Variants in PLXNA4 observed in about 807,000 individuals in gnomAD.
PLXNA4 encodes plexin-A4.
A neutral mutation model predicts 191.8 loss-of-function variants in PLXNA4; 44 were observed. The observed-to-expected ratio is 0.23, with a 90% confidence interval of 0.18 to 0.29. The LOEUF is 0.29. PLXNA4 is among the 10% of genes least tolerant of loss of function. The pLI is 1.00. For synonymous variants in PLXNA4, 1,082 were observed against 1,009.5 expected, an observed-to-expected ratio of 1.07 and a Z score of -1.36; for missense variants, 1,800 against 2,488.8, an observed-to-expected ratio of 0.72 and a Z score of 5.89.
chr7:132,501,128 C>T (rs1314939302), intron 2 of PLXNA4, among the ~76,000 whole-genome samples: 1 of 152,082 alleles, frequency 6.6e-6, no homozygotes, highest in Non-Finnish European at 1.5e-5. Context: ...TCTCATTGTA[C>T]TTGCTGCTGA....
At chr7:132,588,213 G>A (rs1802536363) in intron 2 of PLXNA4, among the ~76,000 whole-genome samples, 1 of 152,044 alleles carries the variant, frequency 6.6e-6, no homozygotes, top group Non-Finnish European at 1.5e-5. Flanking sequence ...ACAGGTTTTT[G>A]TCCTATGCCT....
chr7:132,411,384 T>C (rs1262687139), intron 3 of PLXNA4, among the ~76,000 whole-genome samples: 3 of 152,198 alleles, frequency 2.0e-5, no homozygotes, highest in Non-Finnish European at 2.9e-5. Flanking sequence ...TGATGCGTAA[T>C]TGACAAGACC....
chr7:132,140,649 G>T lies in PLXNA4; in HGVS notation c.5388C>A (p.Asn1796Lys), dbSNP rs777976990. The change falls in exon 30 of 32, where the codon AAC becomes AAA. Residue 1796 changes from asparagine to lysine, a missense_variant. Transcript: ENST00000321063. ...EHRLGKDSPS[N>K]KLLYAKDIPS... ...GGATGTCCTTGGCATACAGCAGCTT[G>T]TTGGAGGGCGAGTCCTTGCCCAGCC... 1.2e-6 allele frequency: 2 copies of T among 1,614,182 alleles called. No homozygotes were observed. The highest frequency in any genetic ancestry group is 1.7e-6 in the Non-Finnish European group (2 of 1,180,034).
At chr7:132,165,294 T>C in intron 22 of PLXNA4, 94 bp from the exon 23 acceptor site, 1 of 1,493,714 alleles carries the variant, frequency 6.7e-7, no homozygotes, top group Non-Finnish European at 9.0e-7. Context: ...GGAGGAATTG[T>C]GCATTGATCT....
At chr7:132,196,014 T>C (rs1797243941) in intron 13 of PLXNA4, among the ~76,000 whole-genome samples, 1 of 152,248 alleles carries the variant, frequency 6.6e-6, no homozygotes, top group Admixed American at 6.5e-5. Flanking sequence ...TTAATGCATG[T>C]TTGGTGTTTG....
chr7:132,174,872 T>C lies in PLXNA4; in HGVS notation c.3923A>G (p.Asp1308Gly), dbSNP rs575376184. ...GTCCAGGAACGGAATCCCGGCTCCA[T>C]CCAGGTCACTGGTCAGCTCATGGAT... is the stretch of plus-strand genomic sequence containing the variant. Reference protein sequence around the residue: ...TDIHELTSDLDGAGIPFLDYR... With the variant: ...TDIHELTSDLGGAGIPFLDYR... Residue 1308 changes from aspartate (D) to glycine (G), a missense_variant, in exon 21 of 32, where the codon GAT becomes GGT. Asp to Gly is a moderately conservative substitution (Grantham distance 94, BLOSUM62 -1). Coordinates refer to ENST00000321063, the MANE Select transcript of PLXNA4 (RefSeq NM_020911.2). 252 of 1,614,192 alleles carry C rather than the reference T, an allele frequency of 1.6e-4. 3 individuals carry two copies. The South Asian group carries it at 2.7e-3, about 17-fold the overall frequency.
At chr7:132,492,091 ACT>A (rs1321985508) in intron 2 of PLXNA4, among the ~76,000 whole-genome samples, 1 of 152,062 alleles carries the variant, frequency 6.6e-6, no homozygotes, top group Non-Finnish European at 1.5e-5. Context: ...GGCGTCGCAA[ACT>A]CTGTACATCA....
chr7:132,141,348 C>T (rs564222650), intron 29 of PLXNA4, among the ~76,000 whole-genome samples: 22 of 152,308 alleles, frequency 1.4e-4, no homozygotes, highest in African/African-American at 5.1e-4. Flanking sequence ...TACAGTGTAG[C>T]TGACTGATTT....
In PLXNA4 at chr7:132,455,258, T is replaced by G. The variant is rs147446979; in HGVS notation, c.1371+34034A>C. ...CAGACAGCCCAAGGATGGAAAATCA[T>G]GGAGCTGAGACAAAACACGTATTTG... On this transcript the variant is annotated intron_variant, in intron 3 of 31. Coordinates refer to ENST00000321063, the MANE Select transcript of PLXNA4 (RefSeq NM_020911.2). Among the ~76,000 whole-genome samples, 346 of 152,120 alleles carry G rather than the reference T, an allele frequency of 2.3e-3. 1 individual carries two copies. The highest frequency in any genetic ancestry group is 7.8e-3 in the African/African-American group (324 of 41,506).
chr7:132,615,091 T>C (rs1803125041), intron 2 of PLXNA4, among the ~76,000 whole-genome samples: 2 of 152,114 alleles, frequency 1.3e-5, no homozygotes, highest in Non-Finnish European at 1.5e-5. Context: ...AGAAATACCA[T>C]CAGCACAAGG....
chr7:132,255,109 G>C (rs1179776326), intron 4 of PLXNA4, among the ~76,000 whole-genome samples: 4 of 152,178 alleles, frequency 2.6e-5, no homozygotes, highest in Non-Finnish European at 4.4e-5. Context: ...TGACAGACAA[G>C]CTCAGTAGAT....
At chr7:132,334,401 G>T (rs770499367) in intron 3 of PLXNA4, among the ~76,000 whole-genome samples, 1 of 151,538 alleles carries the variant, frequency 6.6e-6, no homozygotes, top group African/African-American at 2.4e-5. Flanking sequence ...GGGACCACAG[G>T]CATGCACCAC....
In PLXNA4 at chr7:132,545,984, A is replaced by G. The variant is rs73724060; in HGVS notation, c.-87+30438T>C. 2.5e-3 allele frequency among the ~76,000 whole-genome samples: 385 copies of G among 152,370 alleles called. 2 individuals are homozygous for G. The highest frequency in any genetic ancestry group is 8.9e-3 in the African/African-American group (370 of 41,590). Reference sequence around the variant, plus strand: ...CAAAACTGACCAGTGCTGAGTAGTCAGTCACCTTTGATAACCACAATCATC... The same window carrying G: ...CAAAACTGACCAGTGCTGAGTAGTCGGTCACCTTTGATAACCACAATCATC... On this transcript the variant is annotated intron_variant, in intron 1 of 31. Transcript: ENST00000321063.
At chr7:132,346,382 T>G (rs6963850) in intron 3 of PLXNA4, among the ~76,000 whole-genome samples, 16,486 of 152,204 alleles carry the variant, frequency 0.11, 1,921 homozygotes, top group African/African-American at 0.29. Context: ...TCAAAAATAT[T>G]AAGTGACCTA....
At chr7:132,487,923 C>A (rs532582474) in intron 3 of PLXNA4, among the ~76,000 whole-genome samples, 3 of 152,336 alleles carry the variant, frequency 2.0e-5, no homozygotes, top group Non-Finnish European at 4.4e-5. Flanking sequence ...AAATACAATT[C>A]TTTGCAGGGA....
intron 3 of PLXNA4, among the ~76,000 whole-genome samples, chr7:132,472,866 C>T (rs1459941863): frequency 3.3e-5 from 5 of 152,194 alleles, no homozygotes; most frequent in Admixed American, 3.3e-4. Flanking sequence ...CATTACTAGC[C>T]TGCTCTCCTC....
intron 3 of PLXNA4, among the ~76,000 whole-genome samples, chr7:132,335,826 A>C (rs1192867401): frequency 6.6e-6 from 1 of 152,250 alleles, no homozygotes; most frequent in Non-Finnish European, 1.5e-5. Flanking sequence ...CTGGATCTGC[A>C]GGTCTGTCCT....
In PLXNA4 at chr7:132,536,301, A is replaced by G. The variant is rs374554729; in HGVS notation, c.-86-27522T>C. Among the ~76,000 whole-genome samples, 4 of 152,256 alleles carry G rather than the reference A, an allele frequency of 2.6e-5. No individual in the cohort carries two copies. The East Asian group carries it at 7.7e-4, about 29-fold the overall frequency. On this transcript the variant is annotated intron_variant, in intron 1 of 31. Coordinates refer to ENST00000321063, the MANE Select transcript of PLXNA4 (RefSeq NM_020911.2). ...TCAGTTTTTCTTCCCGTCGTTCCCT[A>G]TAAGTGACTAATTTTTATCCTTTTA...
At chr7:132,352,745 C>A (rs560176553) in intron 3 of PLXNA4, among the ~76,000 whole-genome samples, 2 of 152,134 alleles carry the variant, frequency 1.3e-5, no homozygotes, top group Admixed American at 1.3e-4. Flanking sequence ...TCCTTCCACT[C>A]GGGATTGCTT....
Sources: gnomAD v4.1 joint callset for allele counts (sites outside exome capture counted in the v4.1 genomes callset) on GRCh38, gnomAD v4.1.1 for gene constraint, MANE v1.5 for transcripts, NCBI Gene and HGNC (gene_info 2026-07-23, HGNC 2026-07-21) for gene names.